Variants in ADGRB3 observed in about 807,000 individuals in gnomAD.
ADGRB3 encodes adhesion G protein-coupled receptor B3, also known as brain-specific angiogenesis inhibitor 3.
Under a neutral mutation model 193.4 loss-of-function variants are expected in ADGRB3, and 37 were observed. The observed-to-expected ratio is 0.19, with a 90% CI of 0.15 to 0.25. The LOEUF is 0.25. Among genes scored for constraint, ADGRB3 ranks in the 10% least tolerant of loss-of-function variants. ADGRB3 has a pLI of 1.00. For synonymous variants in ADGRB3, 690 were observed against 644.2 expected, an observed-to-expected ratio of 1.07 and a Z score of -1.08; for missense variants, 1,637 against 1,852.9, an observed-to-expected ratio of 0.88 and a Z score of 2.14.
chr6:69,230,709 T>C (rs1444777738), intron 17 of ADGRB3, among the ~76,000 whole-genome samples: 1 of 152,240 alleles, frequency 6.6e-6, no homozygotes, highest in Non-Finnish European at 1.5e-5. Context: ...CACATCTTAC[T>C]TATCTCTTGG....
At chr6:69,331,618 T>G (rs1768732333) in intron 23 of ADGRB3, 23 of 985,394 alleles carry the variant, frequency 2.3e-5, no homozygotes, top group Non-Finnish European at 2.8e-5. Context: ...GCAAGAATCT[T>G]AGTGCAAAGG....
At chr6:68,636,112 G>C (rs1030923434) in intron 1 of ADGRB3, 112 bp downstream of exon 1, 1 of 152,596 alleles carries the variant, frequency 6.6e-6, no homozygotes, top group Non-Finnish European at 1.5e-5. Flanking sequence ...TGTTGCTGGC[G>C]GATGGGGAGG....
chr6:68,877,860 A>G (rs991283738), intron 3 of ADGRB3, among the ~76,000 whole-genome samples: 3 of 152,132 alleles, frequency 2.0e-5, no homozygotes, highest in Non-Finnish European at 4.4e-5. Context: ...AGTCTGATCT[A>G]TCACTCCTAT....
At chr6:69,317,749 A>G (rs573767585) in intron 20 of ADGRB3, among the ~76,000 whole-genome samples, 1 of 151,530 alleles carries the variant, frequency 6.6e-6, no homozygotes, top group Non-Finnish European at 1.5e-5. Flanking sequence ...CCTTGAGTTC[A>G]TGGTGTCTAC....
intron 3 of ADGRB3, among the ~76,000 whole-genome samples, chr6:68,889,589 G>T (rs541214560): frequency 6.6e-6 from 1 of 150,506 alleles, no homozygotes; most frequent in Admixed American, 6.7e-5. Flanking sequence ...TGCAAGCTCC[G>T]CCTCCTGGGT....
chr6:68,787,065 G>A (rs1236719354), intron 3 of ADGRB3, among the ~76,000 whole-genome samples: 2 of 152,126 alleles, frequency 1.3e-5, no homozygotes, highest in African/African-American at 4.8e-5. Context: ...TGAGATGATG[G>A]CGTTTTCTAG....
chr6:69,249,121 G>A (rs766659263), intron 20 of ADGRB3, among the ~76,000 whole-genome samples: 4 of 152,240 alleles, frequency 2.6e-5, no homozygotes, highest in African/African-American at 4.8e-5. Context: ...GGGATTACAG[G>A]TGTGCATCAC....
chr6:68,685,336 T>C (rs912710400), intron 3 of ADGRB3, among the ~76,000 whole-genome samples: 1 of 152,100 alleles, frequency 6.6e-6, no homozygotes, highest in African/African-American at 2.4e-5. Flanking sequence ...AAGTGAATTA[T>C]ATATTTTTAA....
intron 17 of ADGRB3, among the ~76,000 whole-genome samples, chr6:69,085,982 A>C (rs567948165): frequency 1.2e-3 from 175 of 152,070 alleles, no homozygotes; most frequent in Non-Finnish European, 2.0e-3. Flanking sequence ...ATCAATAATG[A>C]TTTTGATTAA....
intron 17 of ADGRB3, among the ~76,000 whole-genome samples, chr6:69,079,942 T>C (rs1582445559): frequency 6.6e-6 from 1 of 152,210 alleles, no homozygotes; most frequent in Non-Finnish European, 1.5e-5. Flanking sequence ...GACTTCCCTA[T>C]TTTTTCTTCA....
intron 3 of ADGRB3, 32 bp from the exon 4 acceptor site, chr6:68,930,527 C>A (rs1767308852): frequency 4.1e-6 from 6 of 1,474,412 alleles, no homozygotes; most frequent in Non-Finnish European, 5.6e-6. Flanking sequence ...TGTCTACACA[C>A]AAGCTTTCAT....
chr6:68,830,460 C>T (rs553537076), intron 3 of ADGRB3, among the ~76,000 whole-genome samples: 1 of 152,170 alleles, frequency 6.6e-6, no homozygotes, highest in East Asian at 1.9e-4. Context: ...ATATTATTTG[C>T]ATTCAGACGT....
At chr6:68,933,244 C>T (rs926157459) in intron 4 of ADGRB3, among the ~76,000 whole-genome samples, 5 of 151,842 alleles carry the variant, frequency 3.3e-5, no homozygotes, top group South Asian at 2.1e-4. Flanking sequence ...CTTTCATTAC[C>T]GTGAGGAAAA....
intron 11 of ADGRB3, among the ~76,000 whole-genome samples, chr6:69,003,071 A>T (rs1273133205): frequency 6.6e-6 from 1 of 152,164 alleles, no homozygotes; most frequent in Non-Finnish European, 1.5e-5. Flanking sequence ...ACAATATGGG[A>T]TAATAGTACT....
intron 3 of ADGRB3, among the ~76,000 whole-genome samples, chr6:68,823,499 A>T (rs1420560908): frequency 6.6e-6 from 1 of 152,044 alleles, no homozygotes; most frequent in Non-Finnish European, 1.5e-5. Flanking sequence ...AATGCAGAAG[A>T]TAATATGTTT....
chr6:69,253,323 C>G (rs73469334), intron 20 of ADGRB3, among the ~76,000 whole-genome samples: 3,280 of 152,048 alleles, frequency 0.022, 105 homozygotes, highest in African/African-American at 0.07. Context: ...GTTTTAGAAT[C>G]AACTTTTCAA....
At chr6:69,063,739 T>C (rs1490384870) in intron 16 of ADGRB3, among the ~76,000 whole-genome samples, 1 of 151,890 alleles carries the variant, frequency 6.6e-6, no homozygotes, top group African/African-American at 2.4e-5. Context: ...TCTATCCAAC[T>C]GCAGCTGAAA....
At chr6:68,934,734 T>A (rs1440874887) in intron 4 of ADGRB3, among the ~76,000 whole-genome samples, 1 of 152,212 alleles carries the variant, frequency 6.6e-6, no homozygotes, top group Non-Finnish European at 1.5e-5. Flanking sequence ...GTGGATTTTT[T>A]AACTATTATC....
At chr6:69,031,038 T>TTTTCTTTTTTTTTC (rs1562128816) in intron 13 of ADGRB3, among the ~76,000 whole-genome samples, 4 of 5,666 alleles carry the variant, frequency 7.1e-4, no homozygotes, top group African/African-American at 1.9e-3. Context: ...TCTTCTCTTC[T>TTTTCTTTTTTTTTC]CTCTTCTCTT....
Sources: gnomAD v4.1 joint callset for allele counts (sites outside exome capture counted in the v4.1 genomes callset) on GRCh38, gnomAD v4.1.1 for gene constraint, MANE v1.5 for transcripts, NCBI Gene and HGNC (gene_info 2026-07-23, HGNC 2026-07-21) for gene names.